The following MXRA7 variants were observed in gnomAD, a reference collection of about 807,000 sequenced individuals.
MXRA7 encodes the protein matrix-remodeling-associated protein 7.
Under a neutral mutation model 17.4 loss-of-function variants are expected in MXRA7, and 18 were observed. The ratio of observed to expected loss-of-function variants is 1.03; its 90% CI spans 0.71 to 1.53. MXRA7 has a LOEUF of 1.53. MXRA7 is among the 40% of genes most tolerant of loss of function. The pLI, the probability that MXRA7 is intolerant of heterozygous loss-of-function variation, is 0.00. For missense variants in MXRA7, 141 were observed against 209.3 expected (o/e 0.67, Z 2.01); for synonymous variants, 70 against 101.7 (o/e 0.69, Z 1.87).
chr17:76,699,250 A>G (rs1375621159), intron 1 of MXRA7, among the ~76,000 whole-genome samples: 5 of 151,686 alleles, frequency 3.3e-5, no homozygotes, highest in Non-Finnish European at 7.4e-5. Flanking sequence ...GGCTTAAGCA[A>G]CCCTCCCCCC....
downstream of MXRA7, chr17:76,677,635 T>G (rs1485378548): frequency 6.2e-7 from 1 of 1,613,570 alleles, no homozygotes; most frequent in Admixed American, 1.7e-5. Context: ...CCGTCGGACA[T>G]CTCGCCAAAC....
At chr17:76,693,934 T>C (rs1841465136) in intron 1 of MXRA7, among the ~76,000 whole-genome samples, 1 of 152,374 alleles carries the variant, frequency 6.6e-6, no homozygotes, top group Non-Finnish European at 1.5e-5. Flanking sequence ...TTCTTTCTTA[T>C]TGTGACACCT....
chr17:76,696,820 C>T (rs1029622350), intron 1 of MXRA7, among the ~76,000 whole-genome samples: 2 of 152,196 alleles, frequency 1.3e-5, no homozygotes, highest in Non-Finnish European at 2.9e-5. Context: ...TCTGAGTCCT[C>T]CCCACCATCA....
At chr17:76,675,961 T>C (rs1242778442), downstream of MXRA7, 1 of 152,052 alleles carries the variant, frequency 6.6e-6, no homozygotes, top group Non-Finnish European at 1.5e-5. Context: ...AAACAAAAAA[T>C]ATTTCTAAGA....
chr17:76,710,907 G>T lies in MXRA7; in HGVS notation c.40C>A (p.Leu14Met). The T allele has an allele frequency of 2.0e-6, 2 of 1,001,048 alleles. No individual in the cohort carries two copies. Among genetic ancestry groups the T allele is most frequent in the African/African-American group, 1.8e-5 (1 of 56,900 alleles). 62.0% of individuals were successfully genotyped at this position (1,001,048 alleles called of 1,614,324 possible). Reference sequence around the variant, plus strand: ...AGCAGAAGGGCCAGCGCGGTGGCCAGCGCAGGCAGCGCGGCCAGTAGCTCG... The same window carrying T: ...AGCAGAAGGGCCAGCGCGGTGGCCATCGCAGGCAGCGCGGCCAGTAGCTCG... ...PAELLAALPA[L>M]ATALALLLAW... is the part of the protein sequence containing the mutation. Residue 14 changes from leucine to methionine, a missense_variant, in exon 1 of 4, where the codon CTG (leucine) becomes ATG (methionine). By Grantham distance (15) the Leu-to-Met change is conservative. Coordinates refer to ENST00000449428, the MANE Select transcript of MXRA7 (RefSeq NM_198530.4).
chr17:76,710,238 C>T (rs2076704248), intron 1 of MXRA7, among the ~76,000 whole-genome samples: 1 of 152,136 alleles, frequency 6.6e-6, no homozygotes, highest in South Asian at 2.1e-4. Context: ...ATTTGGGAAC[C>T]GGTGGGCGGG....
chr17:76,695,270 G>A (rs11658766), intron 1 of MXRA7, among the ~76,000 whole-genome samples: 45,419 of 152,038 alleles, frequency 0.3, 7,571 homozygotes, highest in Non-Finnish European at 0.38. Flanking sequence ...GCTGACTCCA[G>A]TAGTAAGAAG....
rs781263063 is a variant in MXRA7, at chr17:76,680,790, G to C, written c.*77C>G. 42 of 1,569,048 alleles carry C rather than the reference G, an allele frequency of 2.7e-5. No individual in the cohort carries two copies. The South Asian group carries it at 3.2e-4, about 12-fold the overall frequency. ...TGGGAGCCTGCCCAGACTCCTCTCTGGGGTTTCCGTTTTATCTCTCAAGCT... is the reference window on the plus strand; with the variant it reads ...TGGGAGCCTGCCCAGACTCCTCTCTCGGGTTTCCGTTTTATCTCTCAAGCT... On this transcript the variant is annotated 3_prime_UTR_variant, in exon 4 of 4. Transcript: ENST00000449428.
At chr17:76,678,067 C>G (rs2076255931), downstream of MXRA7, among the ~76,000 whole-genome samples, 1 of 152,116 alleles carries the variant, frequency 6.6e-6, no homozygotes, top group Non-Finnish European at 1.5e-5. Context: ...CATGAAGCAG[C>G]TTGAGGTAGT....
intron 3 of MXRA7, chr17:76,684,009 T>C (rs964653911): frequency 1.8e-6 from 2 of 1,084,122 alleles, no homozygotes; most frequent in African/African-American, 1.5e-5. Context: ...CTGCCAGGGC[T>C]CTTCCTCCTG....
chr17:76,710,830 G>A lies in MXRA7; in HGVS notation c.117C>T (p.Arg39=). The A allele has an allele frequency of 8.4e-6, 8 of 958,030 alleles. No homozygotes were observed. Among genetic ancestry groups the A allele is most frequent in the African/African-American group, 1.8e-5 (1 of 55,794 alleles). 59.3% of individuals were successfully genotyped at this position (958,030 alleles called of 1,614,324 possible). A position where few individuals can be genotyped will look rare whatever the true frequency, so the allele number is the denominator to read the frequency against. ...CCGGGGGCGCGGGTTCCGGGGGCGC[G>A]CGGGCAGGCTCCGGGCTCGCGGCCG... ...RGAAASPEPA[R]APPEPAPPAE... is the part of the protein sequence containing the mutation. Residue 39 remains arginine, a synonymous_variant, in exon 1 of 4, where the codon CGC becomes CGT. Transcript: ENST00000449428.
At position 76,691,063 on chromosome 17, in the gene MXRA7, T is replaced by C. The variant is rs139261310; in HGVS notation, c.343-2887A>G. On this transcript the variant is annotated intron_variant, in intron 1 of 3. Coordinates refer to ENST00000449428, the MANE Select transcript of MXRA7 (RefSeq NM_198530.4). ...CTGGGTGGGCTGATCACCAGAGAGA[T>C]CAAGCTGCAATGAGGAGCTTGGAAC... Among the ~76,000 whole-genome samples, 87 of 152,240 alleles carry C rather than the reference T, an allele frequency of 5.7e-4. No individual in the cohort carries two copies. The East Asian group carries it at 0.016, about 28-fold the overall frequency.
chr17:76,704,874 C>T (rs1007662714), intron 1 of MXRA7, among the ~76,000 whole-genome samples: 14 of 151,688 alleles, frequency 9.2e-5, no homozygotes, highest in Non-Finnish European at 1.9e-4. Flanking sequence ...TCATCCTGTT[C>T]CATACATCTG....
rs1176115815 is a variant in MXRA7, at chr17:76,680,724, G to A, written c.*143C>T. On this transcript the variant is annotated 3_prime_UTR_variant, in exon 4 of 4. Transcript: ENST00000449428. ...TAGCCAAGGGACAAGTCCTGATTGA[G>A]GGTCTAGAGCTCAGCAGATTTATGG... The A allele has an allele frequency of 3.9e-5, 57 of 1,464,134 alleles. No individual in the cohort carries two copies. Among genetic ancestry groups the A allele is most frequent in the Non-Finnish European group, 4.5e-5 (50 of 1,108,224 alleles). 90.7% of individuals were successfully genotyped at this position (1,464,134 alleles called of 1,614,324 possible).
Position 76,681,011 on chromosome 17 carries a change from T to G in MXRA7, c.501-132A>C. The G allele has an allele frequency of 1.3e-6, 1 of 763,316 alleles. No individual in the cohort carries two copies. Among genetic ancestry groups the G allele is most frequent in the South Asian group, 1.7e-5 (1 of 59,542 alleles). The allele number at this position is 763,316 out of a possible 1,614,324, so 47.3% of individuals were successfully genotyped here. ...TTGCAGAAGCTGCGCTAGACTCTGG[T>G]TTCTCAAACCACTGCTGATTTGCTT... On this transcript the variant is annotated intron_variant, in intron 3 of 3. Transcript: ENST00000449428. The surrounding 1 kb of genome is among the most constrained non-coding windows in gnomAD (Gnocchi z 4.7).
At chr17:76,704,917 C>T (rs909568737) in intron 1 of MXRA7, among the ~76,000 whole-genome samples, 16 of 152,082 alleles carry the variant, frequency 1.1e-4, no homozygotes, top group Non-Finnish European at 1.9e-4. Context: ...TGTGGCCAAA[C>T]GCAGGTTGTT....
Position 76,681,205 on chromosome 17 carries a change from G to C in MXRA7, c.501-326C>G, listed in dbSNP as rs2076299079. 6.6e-6 allele frequency among the ~76,000 whole-genome samples: 1 copy of C among 152,200 alleles called. No individual in the cohort carries two copies. Among genetic ancestry groups the C allele is most frequent in the South Asian group, 2.1e-4 (1 of 4,832 alleles). ...TTGCCAAGGGCCTTTCTGATCTTGG[G>C]TTGTGTGGTTGTGCTGACAATATTC... On this transcript the variant is annotated intron_variant, in intron 3 of 3. Coordinates refer to ENST00000449428, the MANE Select transcript of MXRA7 (RefSeq NM_198530.4). The surrounding 1 kb of genome is among the most constrained non-coding windows in gnomAD (Gnocchi z 4.7).
intron 1 of MXRA7, among the ~76,000 whole-genome samples, chr17:76,708,739 T>A (rs547543716): frequency 2.2e-4 from 33 of 151,712 alleles, no homozygotes; most frequent in African/African-American, 6.3e-4. Flanking sequence ...CAGGCAGGAG[T>A]TTTGGGGGAG....
At chr17:76,693,274 T>C (rs2076496366) in intron 1 of MXRA7, among the ~76,000 whole-genome samples, 1 of 150,160 alleles carries the variant, frequency 6.7e-6, no homozygotes, top group Non-Finnish European at 1.5e-5. Flanking sequence ...TCGAGACCAG[T>C]CTGGCCAACA....
Sources: gnomAD v4.1 joint callset for allele counts (sites outside exome capture counted in the v4.1 genomes callset) on GRCh38, gnomAD v4.1.1 for gene constraint, Gnocchi (gnomAD v3.1) non-coding constraint, MANE v1.5 for transcripts, NCBI Gene and HGNC (gene_info 2026-07-23, HGNC 2026-07-21) for gene names.